The following SPOCK3 variants were observed in gnomAD, a reference collection of about 807,000 sequenced individuals.
The protein encoded by SPOCK3 is testican-3.
A neutral mutation model predicts 56.6 loss-of-function variants in SPOCK3; 30 were observed. That is an observed-to-expected ratio of 0.53 (90% CI 0.40 to 0.72). SPOCK3 has a LOEUF of 0.72. SPOCK3 is among the 30% of genes least tolerant of loss of function. SPOCK3 has a pLI of 0.00. For synonymous variants in SPOCK3, 196 were observed against 183.3 expected, an observed-to-expected ratio of 1.07 and a Z score of -0.56; for missense variants, 527 against 530.0, an observed-to-expected ratio of 0.99 and a Z score of 0.06.
intron 6 of SPOCK3, among the ~76,000 whole-genome samples, chr4:166,866,649 A>G (rs113487163): frequency 2.0e-5 from 3 of 151,480 alleles, no homozygotes; most frequent in African/African-American, 7.3e-5. Flanking sequence ...CTCAAAAGAG[A>G]AGTAAGATGG....
intron 5 of SPOCK3, among the ~76,000 whole-genome samples, chr4:166,900,316 C>G (rs969938672): frequency 6.6e-6 from 1 of 152,130 alleles, no homozygotes; most frequent in African/African-American, 2.4e-5. Context: ...CCCGACCACC[C>G]ACAAGAATCT....
At chr4:167,197,423 C>T (rs1400530311) in intron 2 of SPOCK3, among the ~76,000 whole-genome samples, 18 of 151,772 alleles carry the variant, frequency 1.2e-4, no homozygotes, top group Admixed American at 9.9e-4. Flanking sequence ...TAATTCATGA[C>T]GTGAAATTTA....
intron 4 of SPOCK3, among the ~76,000 whole-genome samples, chr4:166,998,106 A>G (rs1748577798): frequency 6.6e-6 from 1 of 152,180 alleles, no homozygotes; most frequent in Non-Finnish European, 1.5e-5. Flanking sequence ...GACATCCTCA[A>G]GGCAAATAAA....
intron 6 of SPOCK3, among the ~76,000 whole-genome samples, chr4:166,806,594 T>A (rs574822128): frequency 7.6e-6 from 1 of 131,446 alleles, no homozygotes; most frequent in South Asian, 2.4e-4. Flanking sequence ...TCTTAAACAC[T>A]ATTTGTCCTA....
chr4:166,955,173 T>C (rs922837701), intron 4 of SPOCK3, among the ~76,000 whole-genome samples: 1 of 152,134 alleles, frequency 6.6e-6, no homozygotes, highest in Non-Finnish European at 1.5e-5. Context: ...CCTTTGTTAA[T>C]ATTTCTGGGT....
At chr4:166,777,200 A>G (rs1045635607) in intron 7 of SPOCK3, among the ~76,000 whole-genome samples, 1 of 152,180 alleles carries the variant, frequency 6.6e-6, no homozygotes, top group African/African-American at 2.4e-5. Flanking sequence ...GCATATATTG[A>G]TCTATCTCAA....
At chr4:166,851,694 T>C (rs986227019) in intron 6 of SPOCK3, among the ~76,000 whole-genome samples, 2 of 152,106 alleles carry the variant, frequency 1.3e-5, no homozygotes, top group Non-Finnish European at 2.9e-5. Flanking sequence ...TTTACACTGT[T>C]GGTGGGACTG....
chr4:166,786,593 A>G (rs1296090702), intron 7 of SPOCK3, among the ~76,000 whole-genome samples: 1 of 152,212 alleles, frequency 6.6e-6, no homozygotes, highest in Non-Finnish European at 1.5e-5. Flanking sequence ...AAGGTATGTG[A>G]TACTCAGGGA....
At chr4:166,912,568 CTAA>C (rs1737401026) in intron 5 of SPOCK3, 49 bp downstream of exon 5, 1 of 1,524,196 alleles carries the variant, frequency 6.6e-7, no homozygotes, top group Non-Finnish European at 9.1e-7. Context: ...TAATCATTTA[CTAA>C]TAAGTATGCA....
At chr4:167,028,839 ACT>A (rs1432469140) in intron 3 of SPOCK3, among the ~76,000 whole-genome samples, 1 of 151,992 alleles carries the variant, frequency 6.6e-6, no homozygotes, top group African/African-American at 2.4e-5. Context: ...AACTAACTTA[ACT>A]CTTTGTTTCT....
chr4:166,814,799 C>A (rs1744218416), intron 6 of SPOCK3, among the ~76,000 whole-genome samples: 2 of 152,038 alleles, frequency 1.3e-5, no homozygotes, highest in South Asian at 4.1e-4. Context: ...AGCCAATTCT[C>A]CCCAATAAAC....
At chr4:166,941,935 A>AC (rs1172416843) in intron 4 of SPOCK3, among the ~76,000 whole-genome samples, 3 of 152,202 alleles carry the variant, frequency 2.0e-5, no homozygotes, top group Non-Finnish European at 4.4e-5. Flanking sequence ...AGCCAAAGGC[A>AC]CCCAGCTAAG....
intron 2 of SPOCK3, among the ~76,000 whole-genome samples, chr4:167,195,397 T>C (rs1291426473): frequency 6.6e-6 from 1 of 152,182 alleles, no homozygotes; most frequent in Non-Finnish European, 1.5e-5. Flanking sequence ...CATGGATGTG[T>C]TCCCAAGAAG....
intron 5 of SPOCK3, among the ~76,000 whole-genome samples, chr4:166,897,658 T>C (rs1382812429): frequency 2.0e-5 from 3 of 152,168 alleles, no homozygotes; most frequent in Non-Finnish European, 4.4e-5. Context: ...CAGGGTATCA[T>C]GTCTTCTGCC....
At chr4:166,882,029 C>A (rs966502900) in intron 6 of SPOCK3, among the ~76,000 whole-genome samples, 2 of 151,998 alleles carry the variant, frequency 1.3e-5, no homozygotes, top group Non-Finnish European at 2.9e-5. Context: ...GGGATGACAG[C>A]CATGTGCATT....
At chr4:166,749,413 C>G (rs370009797) in intron 8 of SPOCK3, among the ~76,000 whole-genome samples, 2 of 151,310 alleles carry the variant, frequency 1.3e-5, no homozygotes, top group South Asian at 2.1e-4. Context: ...CACATGTTCT[C>G]ACTCATAGGT....
intron 2 of SPOCK3, among the ~76,000 whole-genome samples, chr4:167,140,316 C>A (rs1763431471): frequency 6.6e-6 from 1 of 152,024 alleles, no homozygotes; most frequent in African/African-American, 2.4e-5. Flanking sequence ...TGTAAATATT[C>A]TGGAAGATTA....
intron 2 of SPOCK3, among the ~76,000 whole-genome samples, chr4:167,125,266 T>G (rs941779959): frequency 6.7e-6 from 1 of 149,420 alleles, no homozygotes; most frequent in African/African-American, 2.4e-5. Flanking sequence ...GGTAGAGGAC[T>G]GCTGTTCACT....
rs1015311083 is a variant in SPOCK3 at position 167,176,588 on chromosome 4, T to A, written c.189+57397A>T. ...CTTCACAGTATGTATATTAAACTAA[T>A]TTTTTGCATAAAGACAAGTGCTTCC... On this transcript the variant is annotated intron_variant, in intron 2 of 10. Transcript: ENST00000357545. Among the ~76,000 whole-genome samples, 3 of 152,116 alleles carry A rather than the reference T, an allele frequency of 2.0e-5. No individual in the cohort carries two copies. The East Asian group carries it at 5.8e-4, about 29-fold the overall frequency.
Sources: gnomAD v4.1 joint callset for allele counts (sites outside exome capture counted in the v4.1 genomes callset) on GRCh38, gnomAD v4.1.1 for gene constraint, MANE v1.5 for transcripts, NCBI Gene and HGNC (gene_info 2026-07-23, HGNC 2026-07-21) for gene names.